PTK2B: variants seen among roughly 807,000 people sequenced by gnomAD.
PTK2B encodes protein tyrosine kinase 2 beta.
In PTK2B, 71 loss-of-function variants were observed where a neutral mutation model predicts 142.9. That is an observed-to-expected ratio of 0.50 (90% CI 0.41 to 0.61). PTK2B has a LOEUF of 0.61. PTK2B is among the 20% of genes least tolerant of loss of function. The probability of loss-of-function intolerance (pLI) is 0.00; values close to 1 mark genes in which losing one functional copy is unlikely to be tolerated. For missense variants in PTK2B, 1,105 were observed against 1,320.4 expected, an observed-to-expected ratio of 0.84 and a Z score of 2.53; for synonymous variants, 519 against 503.4, an observed-to-expected ratio of 1.03 and a Z score of -0.42.
At chr8:27,383,835 A>C (rs760614949) in intron 1 of PTK2B, among the ~76,000 whole-genome samples, 2 of 145,222 alleles carry the variant, frequency 1.4e-5, no homozygotes, top group Non-Finnish European at 3.0e-5. Context: ...ACAGGTGTGC[A>C]CCACCACACC....
intron 1 of PTK2B, among the ~76,000 whole-genome samples, chr8:27,340,334 G>A (rs567674174): frequency 1.4e-4 from 21 of 152,234 alleles, no homozygotes; most frequent in Non-Finnish European, 2.5e-4. Flanking sequence ...AAGAAGATAT[G>A]TGTGTGCCAG....
chr8:27,337,041 GT>G (rs1179039698), intron 1 of PTK2B, among the ~76,000 whole-genome samples: 1 of 146,436 alleles, frequency 6.8e-6, no homozygotes, highest in South Asian at 2.1e-4. Flanking sequence ...ATGAATAGTA[GT>G]TTTTTGAGAT....
chr8:27,349,680 A>G (rs1415584131), intron 1 of PTK2B, among the ~76,000 whole-genome samples: 1 of 152,256 alleles, frequency 6.6e-6, no homozygotes, highest in Non-Finnish European at 1.5e-5. Flanking sequence ...AGGAAATAAT[A>G]TTCATCAATA....
chr8:27,397,503 CCT>C (rs1197745870), intron 1 of PTK2B, 43 bp from the exon 2 acceptor site: 3 of 1,448,946 alleles, frequency 2.1e-6, no homozygotes, highest in Non-Finnish European at 2.9e-6. Flanking sequence ...GGTATGTGGG[CCT>C]GTGTGGGGCT....
intron 3 of PTK2B, among the ~76,000 whole-genome samples, chr8:27,320,114 T>C (rs1803179223): frequency 6.6e-6 from 1 of 152,034 alleles, no homozygotes; most frequent in South Asian, 2.1e-4. Flanking sequence ...GGCCCCTCCT[T>C]TTCCTGGGTG....
intron 1 of PTK2B, among the ~76,000 whole-genome samples, chr8:27,343,512 G>A (rs187924711): frequency 6.6e-6 from 1 of 152,276 alleles, no homozygotes; most frequent in East Asian, 1.9e-4. Flanking sequence ...AACTGTCTGG[G>A]AATGACTGCC....
chr8:27,410,066 A>G lies in PTK2B; in HGVS notation c.205-9829A>G, dbSNP rs143081589. 3.9e-3 allele frequency among the ~76,000 whole-genome samples: 598 copies of G among 152,332 alleles called. 4 individuals carry two copies. Among genetic ancestry groups the G allele is most frequent in the African/African-American group, 0.013 (550 of 41,562 alleles). On this transcript the variant is annotated intron_variant, in intron 2 of 30. Coordinates refer to ENST00000346049, the MANE Select transcript of PTK2B (RefSeq NM_173176.3). Reference sequence around the variant, plus strand: ...AAGCTTAAGTGTAGTTTATTTATTAAAATGTTAAGTATAGTCATCTTACTA... The same window carrying G: ...AAGCTTAAGTGTAGTTTATTTATTAGAATGTTAAGTATAGTCATCTTACTA...
intron 29 of PTK2B, 73 bp from the exon 30 acceptor site, chr8:27,454,458 G>C: frequency 1.3e-6 from 2 of 1,573,968 alleles, no homozygotes; most frequent in Non-Finnish European, 1.7e-6. Context: ...CCCCAGGAGA[G>C]CTCTTCCCAG....
At chr8:27,354,022 C>T (rs1805255979) in intron 1 of PTK2B, among the ~76,000 whole-genome samples, 1 of 152,136 alleles carries the variant, frequency 6.6e-6, no homozygotes, top group East Asian at 1.9e-4. Flanking sequence ...GACCTCATCC[C>T]AGAACCTCAG....
intron 1 of PTK2B, among the ~76,000 whole-genome samples, chr8:27,336,809 A>G (rs1159987221): frequency 6.6e-6 from 1 of 152,104 alleles, no homozygotes; most frequent in Non-Finnish European, 1.5e-5. Flanking sequence ...AGCTGTTTCA[A>G]ATTGATCCAA....
intron 21 of PTK2B, among the ~76,000 whole-genome samples, chr8:27,442,533 G>T (rs1362942398): frequency 2.0e-5 from 3 of 152,224 alleles, no homozygotes; most frequent in Admixed American, 2.0e-4. Context: ...CTACATAGGG[G>T]TTTGGTGCCA....
At chr8:27,454,432 C>T (rs1030218030) in intron 29 of PTK2B, 99 bp from the exon 30 acceptor site, 46 of 1,549,366 alleles carry the variant, frequency 3.0e-5, no homozygotes, top group Middle Eastern at 2.2e-4. Flanking sequence ...AGGCCACTCG[C>T]GGGGGACAAG....
rs757060453 is a variant in PTK2B at position 27,430,830 on chromosome 8, C to T, written c.670-46C>T. On this transcript the variant is annotated intron_variant, in intron 7 of 30. Transcript: ENST00000346049. ...CGAGACCCTAAGGGAAGGAGTGAGA[C>T]CTGGGAGGAGCAGGCATTGCTCACA... is the stretch of plus-strand genomic sequence containing the variant. The T allele has an allele frequency of 3.1e-6, 5 of 1,599,984 alleles. No homozygotes were observed. The East Asian group carries it at 1.1e-4, about 36-fold the overall frequency.
chr8:27,403,025 A>G (rs1808474557), intron 2 of PTK2B, among the ~76,000 whole-genome samples: 1 of 152,144 alleles, frequency 6.6e-6, no homozygotes, highest in Non-Finnish European at 1.5e-5. Context: ...TCCAGTTGGG[A>G]GTCTAAGCCC....
intron 1 of PTK2B, among the ~76,000 whole-genome samples, chr8:27,326,468 C>A (rs974636921): frequency 2.0e-5 from 3 of 152,170 alleles, no homozygotes; most frequent in Non-Finnish European, 2.9e-5. Flanking sequence ...CTCCCTATAC[C>A]CCAAACTGGG....
intron 24 of PTK2B, among the ~76,000 whole-genome samples, chr8:27,447,583 G>C (rs527405022): frequency 6.6e-6 from 1 of 152,344 alleles, no homozygotes; most frequent in African/African-American, 2.4e-5. Flanking sequence ...TCAAGGCCAG[G>C]CGTGGTGGCT....
chr8:27,450,487 G>A (rs4733065), intron 24 of PTK2B, among the ~76,000 whole-genome samples: 62,203 of 152,124 alleles, frequency 0.41, 13,335 homozygotes, highest in Middle Eastern at 0.54. Context: ...TGAGCAGATC[G>A]TGTAATCATT....
rs369127469 is a variant in PTK2B, at chr8:27,458,319, A to G, written c.2840A>G (p.Asn947Ser). 2.5e-6 allele frequency: 4 copies of G among 1,614,130 alleles called. No homozygotes were observed. Among genetic ancestry groups the G allele is most frequent in the African/African-American group, 2.7e-5 (2 of 75,056 alleles). The change falls in exon 31 of 31, where the codon AAC (asparagine) becomes AGC (serine). Residue 947 changes from asparagine to serine, a missense_variant. Transcript: ENST00000346049. ...ATCGAGGGCACCCAGAAACTGCTCA[A>G]CAAAGACCTGGCAGAGCTCATCAAC... ...TEIEGTQKLL[N>S]KDLAELINKM...
rs761988195 is a variant in PTK2B at position 27,320,490 on chromosome 8, CGACT to C, written c.-413-1906_-413-1903del. ...AGTCCCGGGTTGTGGCCTGTGCTTC[CGACT>C]GACTGGCTATACATCAGGGTTCCCA... On this transcript the variant is annotated intron_variant, in intron 3 of 35. Transcript: ENST00000397501. 2.6e-5 allele frequency among the ~76,000 whole-genome samples: 4 copies of C among 152,136 alleles called. No individual in the cohort carries two copies. The East Asian group carries it at 5.8e-4, about 22-fold the overall frequency.
Sources: gnomAD v4.1 joint callset for allele counts (sites outside exome capture counted in the v4.1 genomes callset) on GRCh38, gnomAD v4.1.1 for gene constraint, MANE v1.5 for transcripts, NCBI Gene and HGNC (gene_info 2026-07-23, HGNC 2026-07-21) for gene names.